E2F2: variants seen among roughly 807,000 people sequenced by gnomAD.
The protein encoded by E2F2 is E2F transcription factor 2.
Under a neutral mutation model 42.2 loss-of-function variants are expected in E2F2, and 22 were observed. The ratio of observed to expected loss-of-function variants is 0.52; its 90% CI spans 0.37 to 0.74. The LOEUF (loss-of-function observed/expected upper bound fraction) is 0.74. Ranked by LOEUF, E2F2 falls within the 30% of genes least tolerant of loss-of-function variation. The pLI, the probability that E2F2 is intolerant of heterozygous loss-of-function variation, is 0.00. For missense variants in E2F2, 481 were observed against 557.8 expected, an observed-to-expected ratio of 0.86 and a Z score of 1.39; for synonymous variants, 248 against 251.6, an observed-to-expected ratio of 0.99 and a Z score of 0.13.
intron 6 of E2F2, among the ~76,000 whole-genome samples, chr1:23,510,493 T>G (rs998176735): frequency 7.2e-5 from 11 of 152,020 alleles, no homozygotes; most frequent in African/African-American, 2.7e-4. Flanking sequence ...CCCAGCTAAT[T>G]TGTGTATTTT....
rs1642833022 is a variant in E2F2 at position 23,507,936 on chromosome 1, G to C, written c.*1944C>G. On this transcript the variant is annotated 3_prime_UTR_variant, in exon 7 of 7. Transcript: ENST00000361729. ...GTCAAACACCTCTGACTTCAGAGAT[G>C]GCACATGGCTAAATGGCAGCCCAGT... 1 of 152,270 alleles carries C rather than the reference G, an allele frequency of 6.6e-6. No individual in the cohort carries two copies. The highest frequency in any genetic ancestry group is 2.4e-5 in the African/African-American group (1 of 41,452). 9.4% of individuals were successfully genotyped at this position (152,270 alleles called of 1,614,324 possible). A position where few individuals can be genotyped will look rare whatever the true frequency, so the allele number is the denominator to read the frequency against.
chr1:23,520,195 G>A (rs1287713406), intron 4 of E2F2, among the ~76,000 whole-genome samples: 4 of 135,844 alleles, frequency 2.9e-5, no homozygotes, highest in African/African-American at 6.0e-5. Flanking sequence ...GCAGCGAGCC[G>A]AGATTGTGCC....
At chr1:23,529,232 G>A (rs1360407578) in intron 1 of E2F2, among the ~76,000 whole-genome samples, 1 of 152,116 alleles carries the variant, frequency 6.6e-6, no homozygotes, top group East Asian at 1.9e-4. Context: ...ATAAAACACT[G>A]AACACAAGAT....
Position 23,519,050 on chromosome 1 carries a change from G to A in E2F2, c.818C>T (p.Pro273Leu), listed in dbSNP as rs749086879. ...GTCGGGCACTTCCAGTCTCGTCTGC[G>A]GAGGGGCCTTGACGGCAATCACTGT... The part of the protein sequence containing the change: ...EQTVIAVKAP[P>L]QTRLEVPDRT... The change falls in exon 5 of 7, where the codon CCG becomes CTG. Residue 273 changes from proline (P) to leucine (L), a missense_variant. Physicochemically the swap from Pro to Leu is moderately conservative, Grantham distance 98. Coordinates refer to ENST00000361729, the MANE Select transcript of E2F2 (RefSeq NM_004091.4). 18 of 1,613,960 alleles carry A rather than the reference G, an allele frequency of 1.1e-5. No homozygotes were observed. The highest frequency in any genetic ancestry group is 4.4e-5 in the South Asian group (4 of 91,026).
chr1:23,512,677 T>C (rs1642932977), intron 6 of E2F2, among the ~76,000 whole-genome samples: 1 of 152,168 alleles, frequency 6.6e-6, no homozygotes, highest in Non-Finnish European at 1.5e-5. Flanking sequence ...GACCTTGCTG[T>C]CTCCTGCTGT....
At position 23,528,872 on chromosome 1, in the gene E2F2, T is replaced by C. The variant is rs1643292267; in HGVS notation, c.252+1670A>G. On this transcript the variant is annotated intron_variant, in intron 1 of 6. Transcript: ENST00000361729. ...CCTGGGGGGAGCTCAGCTCCTAAGT[T>C]AGGCAGTATTAAAAAAAGTCAAGGC... is the stretch of plus-strand genomic sequence containing the variant. 2.0e-5 allele frequency among the ~76,000 whole-genome samples: 3 copies of C among 152,206 alleles called. 1 individual carries two copies. The highest frequency in any genetic ancestry group is 2.0e-4 in the Admixed American group (3 of 15,292).
Position 23,521,821 on chromosome 1 carries a change from C to G in E2F2, c.578+16G>C. ...AGTACCCATTGGAGGGTACCACTGGCCGCCCAGGCACTCACACCCACTGGA... is the reference window on the plus strand; with the variant it reads ...AGTACCCATTGGAGGGTACCACTGGGCGCCCAGGCACTCACACCCACTGGA... On this transcript the variant is annotated intron_variant, in intron 3 of 6. Transcript: ENST00000361729. 6.2e-7 allele frequency: 1 copy of G among 1,612,784 alleles called. No individual in the cohort carries two copies. The highest frequency in any genetic ancestry group is 8.5e-7 in the Non-Finnish European group (1 of 1,179,630).
At position 23,509,463 on chromosome 1, in the gene E2F2, T is replaced by C; in HGVS notation, c.*417A>G. 6.5e-6 allele frequency: 1 copy of C among 154,644 alleles called. No individual in the cohort carries two copies. Among genetic ancestry groups the C allele is most frequent in the East Asian group, 1.9e-4 (1 of 5,286 alleles). 9.6% of individuals were successfully genotyped at this position (154,644 alleles called of 1,614,324 possible). ...CTAAAAACTAGAACAACCTCCCTGC[T>C]AAAACTCAGGGAGGACAAACAAACA... On this transcript the variant is annotated 3_prime_UTR_variant, in exon 7 of 7. Transcript: ENST00000361729.
chr1:23,515,017 T>A (rs1168813170), intron 6 of E2F2, among the ~76,000 whole-genome samples: 2 of 152,174 alleles, frequency 1.3e-5, no homozygotes, highest in African/African-American at 4.8e-5. Flanking sequence ...TTTATTAACC[T>A]CTGAGTTAGA....
Position 23,506,555 on chromosome 1 carries a change from G to A in E2F2, c.*3325C>T, listed in dbSNP as rs775958442. ...AAATGACCCGCATGAGTCCCAGCAC[G>A]GGGACCATGTTCTCTCGGTTCCAGC... is the stretch of plus-strand genomic sequence containing the variant. On this transcript the variant is annotated 3_prime_UTR_variant, in exon 7 of 7. Coordinates refer to ENST00000361729, the MANE Select transcript of E2F2 (RefSeq NM_004091.4). 4.6e-5 allele frequency: 7 copies of A among 152,398 alleles called. No homozygotes were observed. The highest frequency in any genetic ancestry group is 5.9e-5 in the Non-Finnish European group (4 of 68,082). 9.4% of individuals were successfully genotyped at this position (152,398 alleles called of 1,614,324 possible).
In E2F2 at chr1:23,530,681, C is replaced by T. The variant is rs1254676813; in HGVS notation, c.113G>A (p.Cys38Tyr). ...WPSGLSSPQLCPATATYYTPL... is the reference protein window; with the variant it reads ...WPSGLSSPQLYPATATYYTPL... ...TGTGTAGTAGGTAGCAGTAGCTGGG[C>T]AGAGCTGGGGGCTGCTGAGGCCGGA... The change falls in exon 1 of 7, where the codon TGC (cysteine) becomes TAC (tyrosine). Residue 38 changes from cysteine (C) to tyrosine (Y), a missense_variant. By Grantham distance (194) the Cys-to-Tyr change is radical. Coordinates refer to ENST00000361729, the MANE Select transcript of E2F2 (RefSeq NM_004091.4). This position sits in a 1 kb window ranked among gnomAD's most constrained non-coding sequence, Gnocchi z 4.4. 6.2e-7 allele frequency: 1 copy of T among 1,612,972 alleles called. No homozygotes were observed. The highest frequency in any genetic ancestry group is 1.3e-5 in the African/African-American group (1 of 75,052).
rs781529896 is a variant in E2F2 at position 23,519,130 on chromosome 1, C to T, written c.738G>A (p.Arg246=). The change falls in exon 5 of 7, where the codon AGG becomes AGA. Residue 246 remains arginine (R), a splice_region_variant and synonymous_variant. Coordinates refer to ENST00000361729, the MANE Select transcript of E2F2 (RefSeq NM_004091.4). Reference sequence around the variant, plus strand: ...TATCCTGGTAAGTCACATAGGCCAGCGTAGGGCAGGAGAGTCAAGAAAAGT... The same window carrying T: ...TATCCTGGTAAGTCACATAGGCCAGTGTAGGGCAGGAGAGTCAAGAAAAGT... ...KHLTEDKANK[R]LAYVTYQDIR... 30 of 1,612,268 alleles carry T rather than the reference C, an allele frequency of 1.9e-5. No homozygotes were observed. Among genetic ancestry groups the T allele is most frequent in the Non-Finnish European group, 2.5e-5 (29 of 1,178,848 alleles).
intron 1 of E2F2, among the ~76,000 whole-genome samples, chr1:23,528,761 G>A (rs976962298): frequency 2.0e-5 from 3 of 152,170 alleles, no homozygotes; most frequent in East Asian, 1.9e-4. Flanking sequence ...AGGGTTCAAA[G>A]CAGTGTAAAA....
rs1459432819 is a variant in E2F2 at position 23,508,353 on chromosome 1, A to G, written c.*1527T>C. 6.6e-6 allele frequency: 1 copy of G among 152,238 alleles called. No homozygotes were observed. Among genetic ancestry groups the G allele is most frequent in the African/African-American group, 2.4e-5 (1 of 41,464 alleles). 9.4% of individuals were successfully genotyped at this position (152,238 alleles called of 1,614,324 possible). A position where few individuals can be genotyped will look rare whatever the true frequency, so the allele number is the denominator to read the frequency against. ...CCAGCTTAATGCTACAAACTTTTCT[A>G]AAAAGTGCTGTCCAGCTGAGCCTCT... is the stretch of plus-strand genomic sequence containing the variant. On this transcript the variant is annotated 3_prime_UTR_variant, in exon 7 of 7. Transcript: ENST00000361729.
At chr1:23,512,274 C>G (rs1642924046) in intron 6 of E2F2, among the ~76,000 whole-genome samples, 1 of 152,030 alleles carries the variant, frequency 6.6e-6, no homozygotes, top group Non-Finnish European at 1.5e-5. Flanking sequence ...GCTGCCCTTG[C>G]TCCTGTTAAA....
intron 6 of E2F2, among the ~76,000 whole-genome samples, chr1:23,514,884 C>T (rs3218191): frequency 3.4e-5 from 5 of 148,198 alleles, no homozygotes; most frequent in African/African-American, 1.3e-4. Flanking sequence ...CTTTGTGGGA[C>T]ACTTGTGGTC....
rs1383748463 is a variant in E2F2, at chr1:23,530,428, T to A, written c.252+114A>T. Reference sequence around the variant, plus strand: ...GGGTCCTGGAAACTGAAAGCTCATCTTCCCTCTTCCCAAAACTCTACCTGC... The same window carrying A: ...GGGTCCTGGAAACTGAAAGCTCATCATCCCTCTTCCCAAAACTCTACCTGC... On this transcript the variant is annotated intron_variant, in intron 1 of 6. Coordinates refer to ENST00000361729, the MANE Select transcript of E2F2 (RefSeq NM_004091.4). This position sits in a 1 kb window ranked among gnomAD's most constrained non-coding sequence, Gnocchi z 4.4. The A allele has an allele frequency of 2.1e-6, 3 of 1,411,988 alleles. No homozygotes were observed. In the African/African-American group the frequency reaches 4.3e-5, roughly 20 times the overall value. 87.5% of individuals were successfully genotyped at this position (1,411,988 alleles called of 1,614,324 possible). A position where few individuals can be genotyped will look rare whatever the true frequency, so the allele number is the denominator to read the frequency against.
rs779633261 is a variant in E2F2 at position 23,524,352 on chromosome 1, C to T, written c.358+31G>A. 61 of 1,547,588 alleles carry T rather than the reference C, an allele frequency of 3.9e-5. 1 individual carries two copies. The highest frequency in any genetic ancestry group is 5.0e-5 in the Non-Finnish European group (57 of 1,139,590). On this transcript the variant is annotated intron_variant, in intron 2 of 6. Transcript: ENST00000361729. The stretch of plus-strand genomic sequence containing the variant: ...CACTGCCCTCTGCCCCTGCCCCACC[C>T]CACCCCAGAGGCCCCATCAGCACTG...
chr1:23,519,442 ATTTC>A (rs1201496890), intron 4 of E2F2: 1 of 183,428 alleles, frequency 5.5e-6, no homozygotes, highest in Non-Finnish European at 1.1e-5. Context: ...GATGTGTTTT[ATTTC>A]TTTATATTTC....
Sources: gnomAD v4.1 joint callset for allele counts (sites outside exome capture counted in the v4.1 genomes callset) on GRCh38, gnomAD v4.1.1 for gene constraint, Gnocchi (gnomAD v3.1) non-coding constraint, MANE v1.5 for transcripts, NCBI Gene and HGNC (gene_info 2026-07-23, HGNC 2026-07-21) for gene names.